CNTNAP2: variants seen among roughly 807,000 people sequenced by gnomAD.
CNTNAP2 encodes contactin associated protein 2, also known as contactin-associated protein-like 2.
A neutral mutation model predicts 155.2 loss-of-function variants in CNTNAP2; 98 were observed. The ratio of observed to expected loss-of-function variants is 0.63; its 90% CI spans 0.54 to 0.75. CNTNAP2 has a LOEUF of 0.75. Ranked by LOEUF, CNTNAP2 falls within the 30% of genes least tolerant of loss-of-function variation. The pLI is 0.00. For synonymous variants in CNTNAP2, 651 were observed against 631.2 expected (o/e 1.03, Z -0.47); for missense variants, 1,727 against 1,688.1 (o/e 1.02, Z -0.40).
At chr7:147,683,665 A>C (rs1474272689) in intron 13 of CNTNAP2, among the ~76,000 whole-genome samples, 1 of 151,602 alleles carries the variant, frequency 6.6e-6, no homozygotes, top group African/African-American at 2.4e-5. Flanking sequence ...TAACTAATAC[A>C]TATGGCACAT....
At chr7:146,842,509 C>A (rs752322123) in intron 3 of CNTNAP2, among the ~76,000 whole-genome samples, 5 of 151,946 alleles carry the variant, frequency 3.3e-5, no homozygotes, top group Non-Finnish European at 7.4e-5. Context: ...TAAGAAATAC[C>A]TGAGACTGGG....
chr7:146,921,598 C>A lies in CNTNAP2; in HGVS notation c.402+81694C>A, dbSNP rs552691532. Among the ~76,000 whole-genome samples, 10 of 152,194 alleles carry A rather than the reference C, an allele frequency of 6.6e-5. No individual in the cohort carries two copies. In the East Asian group the frequency reaches 1.9e-3, roughly 29 times the overall value. On this transcript the variant is annotated intron_variant, in intron 3 of 23. Transcript: ENST00000361727. ...AGTCACGTTTTACATGACATGAGAGCTTGTGCGGGGGAATTCCCATTTATT... is the reference window on the plus strand; with the variant it reads ...AGTCACGTTTTACATGACATGAGAGATTGTGCGGGGGAATTCCCATTTATT...
At chr7:146,910,605 T>G (rs2129216787) in intron 3 of CNTNAP2, among the ~76,000 whole-genome samples, 1 of 151,032 alleles carries the variant, frequency 6.6e-6, no homozygotes. Flanking sequence ...TAGCCATATG[T>G]AGAAAGCTGA....
At position 147,925,734 on chromosome 7, in the gene CNTNAP2, TA is replaced by T. The variant is rs1372439819; in HGVS notation, c.2255+22014del. Among the ~76,000 whole-genome samples, 4 of 152,222 alleles carry T rather than the reference TA, an allele frequency of 2.6e-5. No individual in the cohort carries two copies. The East Asian group carries it at 7.7e-4, about 29-fold the overall frequency. On this transcript the variant is annotated intron_variant, in intron 14 of 23. Transcript: ENST00000361727. ...CCTCGGCCTCCCAAAGTGCTGGGAT[TA>T]CAGGCGTGAGCCACCACGCCCGGCC...
chr7:146,868,059 A>C (rs528735714), intron 3 of CNTNAP2, among the ~76,000 whole-genome samples: 1 of 151,926 alleles, frequency 6.6e-6, no homozygotes, highest in African/African-American at 2.4e-5. Context: ...CTTTTCTTGC[A>C]ATTGCTTTTA....
In CNTNAP2 at chr7:146,681,146, C is replaced by T. The variant is rs569421750; in HGVS notation, c.98-93125C>T. On this transcript the variant is annotated intron_variant, in intron 1 of 23. Coordinates refer to ENST00000361727, the MANE Select transcript of CNTNAP2 (RefSeq NM_014141.6). ...GTGTTGGCTTAGGGGCCTCAGAAAG[C>T]GTCACAGAAAAAATGATTGTTTATT... 3.3e-5 allele frequency among the ~76,000 whole-genome samples: 5 copies of T among 151,444 alleles called. No individual in the cohort carries two copies. In the East Asian group the frequency reaches 8.0e-4, roughly 24 times the overall value.
chr7:146,662,179 C>T (rs114816055), intron 1 of CNTNAP2, among the ~76,000 whole-genome samples: 8,206 of 151,864 alleles, frequency 0.054, 333 homozygotes, highest in African/African-American at 0.12. Context: ...TCTTTGTCAC[C>T]CGGGCTGGAG....
At chr7:146,584,086 A>G (rs953901890) in intron 1 of CNTNAP2, among the ~76,000 whole-genome samples, 3 of 152,208 alleles carry the variant, frequency 2.0e-5, no homozygotes, top group African/African-American at 7.2e-5. Flanking sequence ...AAATATTTCA[A>G]CATTACTAAT....
intron 1 of CNTNAP2, among the ~76,000 whole-genome samples, chr7:146,401,542 G>A (rs1284869244): frequency 6.6e-6 from 1 of 152,116 alleles, no homozygotes; most frequent in Non-Finnish European, 1.5e-5. Flanking sequence ...TTGTACTGTA[G>A]TTGATTTTGT....
At chr7:147,116,324 G>A (rs1800988318) in intron 5 of CNTNAP2, among the ~76,000 whole-genome samples, 1 of 152,152 alleles carries the variant, frequency 6.6e-6, no homozygotes, top group Non-Finnish European at 1.5e-5. Context: ...ACTTAAAAAA[G>A]CAGTCTGGCT....
At chr7:146,918,133 T>C (rs1796431047) in intron 3 of CNTNAP2, among the ~76,000 whole-genome samples, 7 of 152,218 alleles carry the variant, frequency 4.6e-5, no homozygotes, top group Admixed American at 4.6e-4. Flanking sequence ...TTATTCATTA[T>C]GCCATTCTGT....
intron 15 of CNTNAP2, among the ~76,000 whole-genome samples, chr7:147,999,938 C>T (rs1801868768): frequency 6.6e-6 from 1 of 152,108 alleles, no homozygotes; most frequent in African/African-American, 2.4e-5. Context: ...GATTTCTACC[C>T]CCAGTACTGT....
intron 8 of CNTNAP2, among the ~76,000 whole-genome samples, chr7:147,168,918 ATAGAATAG>A (rs1437507109): frequency 1.3e-5 from 2 of 152,190 alleles, no homozygotes; most frequent in African/African-American, 4.8e-5. Context: ...CATATAGAAT[ATAGAATAG>A]GCTATACCAT....
At chr7:146,259,881 G>C (rs1091835) in intron 1 of CNTNAP2, among the ~76,000 whole-genome samples, 38,921 of 152,200 alleles carry the variant, frequency 0.26, 12,838 homozygotes, top group African/African-American at 0.77. Flanking sequence ...ATAGCCAAGA[G>C]AATGAGGAAA....
chr7:147,694,973 G>A (rs930497803), intron 13 of CNTNAP2, among the ~76,000 whole-genome samples: 1 of 151,884 alleles, frequency 6.6e-6, no homozygotes, highest in African/African-American at 2.4e-5. Flanking sequence ...TATGCATTTA[G>A]TGTTACAATT....
rs1419251301 is a variant in CNTNAP2, at chr7:147,281,206, C to G, written c.1349-18935C>G. On this transcript the variant is annotated intron_variant, in intron 8 of 23. Transcript: ENST00000361727. ...GAACATTACAAATAATGATAAGGAC[C>G]AATATAATAAACCTCTGGTGCAAGA... is the stretch of plus-strand genomic sequence containing the variant. Among the ~76,000 whole-genome samples, 3 of 151,558 alleles carry G rather than the reference C, an allele frequency of 2.0e-5. No individual in the cohort carries two copies. The East Asian group carries it at 5.8e-4, about 29-fold the overall frequency.
At chr7:147,516,308 C>T (rs1417867469) in intron 11 of CNTNAP2, among the ~76,000 whole-genome samples, 6 of 152,070 alleles carry the variant, frequency 3.9e-5, no homozygotes, top group Non-Finnish European at 8.8e-5. Flanking sequence ...TCACTATGTA[C>T]AGTTTACAAA....
chr7:147,508,259 C>A (rs577310049), intron 11 of CNTNAP2, among the ~76,000 whole-genome samples: 1 of 152,282 alleles, frequency 6.6e-6, no homozygotes, highest in Non-Finnish European at 1.5e-5. Flanking sequence ...CTTATTCTTT[C>A]TGCCCCCTGT....
intron 20 of CNTNAP2, among the ~76,000 whole-genome samples, chr7:148,247,625 C>CTCTCTCTATT (rs373741779): frequency 2.8e-5 from 3 of 105,314 alleles, no homozygotes; most frequent in African/African-American, 3.9e-5. Flanking sequence ...CTCTCTCTCT[C>CTCTCTCTATT]TATTTATTTA....
Sources: allele counts gnomAD v4.1 joint callset (sites outside exome capture counted in the v4.1 genomes callset), GRCh38; gene constraint gnomAD v4.1.1; transcripts MANE v1.5; gene names NCBI Gene and HGNC (gene_info 2026-07-23, HGNC 2026-07-21).